NOX4: variants seen among roughly 807,000 people sequenced by gnomAD.
The protein encoded by NOX4 is kidney oxidase-1.
NOX4 carries 69 observed loss-of-function variants against 87.6 expected under a neutral mutation model. That is an observed-to-expected ratio of 0.79 (90% CI 0.65 to 0.96). The LOEUF (loss-of-function observed/expected upper bound fraction) is 0.96. NOX4 is among the 40% of genes least tolerant of loss of function. The pLI, the probability that NOX4 is intolerant of heterozygous loss-of-function variation, is 0.00. For missense variants in NOX4, 680 were observed against 681.5 expected (o/e 1.00, Z 0.02); for synonymous variants, 275 against 238.2 (o/e 1.15, Z -1.42).
At chr11:89,586,734 CTT>C in the NOX4 span, among the ~76,000 whole-genome samples, 1 of 152,094 alleles carries the variant, frequency 6.6e-6, no homozygotes, top group African/African-American at 2.4e-5. Context: ...TTAAGAGACT[CTT>C]TGCAGATAAA....
chr11:89,542,007 C>T, the NOX4 span, among the ~76,000 whole-genome samples: 3 of 151,762 alleles, frequency 2.0e-5, no homozygotes, highest in Non-Finnish European at 4.4e-5. Context: ...TACAGAGTCT[C>T]ACCATGTTTT....
At chr11:89,435,387 C>G (rs911619318) in intron 6 of NOX4, among the ~76,000 whole-genome samples, 1 of 151,986 alleles carries the variant, frequency 6.6e-6, no homozygotes, top group Admixed American at 6.6e-5. Context: ...CAAATTACTT[C>G]ATCGAAAGAA....
At chr11:89,332,223 G>C (rs528484156) in intron 17 of NOX4, among the ~76,000 whole-genome samples, 28 of 151,792 alleles carry the variant, frequency 1.8e-4, no homozygotes, top group Admixed American at 9.2e-4. Context: ...ACTTGACTCA[G>C]GGTCACAGGA....
Position 89,326,865 on chromosome 11 carries a change from C to A in NOX4, c.1628G>T (p.Gly543Val). 1 of 1,612,738 alleles carries A rather than the reference C, an allele frequency of 6.2e-7. No homozygotes were observed. The highest frequency in any genetic ancestry group is 8.5e-7 in the Non-Finnish European group (1 of 1,179,384). ...IAKYNRGKTVGVFCCGPNSLS... is the reference protein window; with the variant it reads ...IAKYNRGKTVVVFCCGPNSLS... ...TGAATTGGGTCCACAACAGAAAACA[C>A]CAACTGTTTTTCTAGAACAAGAGCA... Residue 543 changes from glycine to valine, a missense_variant, in exon 18 of 18, where the codon GGT (glycine) becomes GTT (valine). Physicochemically the swap from Gly to Val is moderately radical, Grantham distance 109. Transcript: ENST00000263317.
chr11:89,539,340 G>A, the NOX4 span, among the ~76,000 whole-genome samples: 3 of 151,962 alleles, frequency 2.0e-5, no homozygotes, highest in Non-Finnish European at 4.4e-5. Context: ...GCTGAGGCAG[G>A]AAAATCGCCT....
chr11:89,474,936 G>T (rs1946100986), intron 2 of NOX4, among the ~76,000 whole-genome samples: 4 of 151,254 alleles, frequency 2.6e-5, no homozygotes, highest in Admixed American at 1.3e-4. Flanking sequence ...AACAGAGGGG[G>T]TATTCTACAC....
chr11:89,561,050 C>CATACATATATATATAT, the NOX4 span, among the ~76,000 whole-genome samples: 1 of 28,550 alleles, frequency 3.5e-5, no homozygotes, highest in African/African-American at 1.5e-4. Context: ...ATATATCATA[C>CATACATATATATATAT]ATATATATAT....
At chr11:89,457,681 G>C (rs924196565) in intron 2 of NOX4, among the ~76,000 whole-genome samples, 1 of 152,008 alleles carries the variant, frequency 6.6e-6, no homozygotes, top group Non-Finnish European at 1.5e-5. Context: ...ACTTCCAAAG[G>C]CATCAAAGAA....
the NOX4 span, among the ~76,000 whole-genome samples, chr11:89,581,434 G>A: frequency 3.3e-5 from 5 of 152,266 alleles, no homozygotes; most frequent in Admixed American, 6.5e-5. Context: ...GGTACACAGT[G>A]TAAGAACTAT....
chr11:89,458,378 A>C lies in NOX4; in HGVS notation c.154-6483T>G, dbSNP rs145441251. On this transcript the variant is annotated intron_variant, in intron 2 of 17. Transcript: ENST00000263317. ...AAGCCTGGAAGATAACCTGGTAAAA[A>C]TACCATTCAGGACATAGACCTTGGC... is the stretch of plus-strand genomic sequence containing the variant. 7.7e-3 allele frequency among the ~76,000 whole-genome samples: 1,171 copies of C among 152,310 alleles called. 14 individuals are homozygous for C. The highest frequency in any genetic ancestry group is 0.025 in the African/African-American group (1,055 of 41,558).
chr11:89,507,798 G>A, the NOX4 span, among the ~76,000 whole-genome samples: 1,340 of 151,924 alleles, frequency 8.8e-3, 19 homozygotes, highest in African/African-American at 0.031. Flanking sequence ...GTTCAGGATA[G>A]GTAAGCTTCT....
intron 7 of NOX4, among the ~76,000 whole-genome samples, chr11:89,422,954 C>G (rs1480624856): frequency 6.6e-6 from 1 of 152,026 alleles, no homozygotes. Flanking sequence ...CACTCGCCAC[C>G]ATGACCAGCT....
At chr11:89,409,743 A>ATTTTT (rs879710197) in intron 8 of NOX4, among the ~76,000 whole-genome samples, 8,216 of 152,092 alleles carry the variant, frequency 0.054, 686 homozygotes, top group African/African-American at 0.19. Context: ...AAAGTTAAAA[A>ATTTTT]AACTTTATAT....
chr11:89,544,327 C>T, the NOX4 span, among the ~76,000 whole-genome samples: 1 of 152,014 alleles, frequency 6.6e-6, no homozygotes, highest in South Asian at 2.1e-4. Context: ...GCCTGCATTC[C>T]CTCCTAGACT....
chr11:89,517,373 A>G, the NOX4 span, among the ~76,000 whole-genome samples: 1 of 152,068 alleles, frequency 6.6e-6, no homozygotes, highest in African/African-American at 2.4e-5. Context: ...TATCTGGTTA[A>G]ACATTACTTG....
intron 7 of NOX4, among the ~76,000 whole-genome samples, chr11:89,431,823 C>T (rs1307291041): frequency 6.6e-6 from 1 of 152,116 alleles, no homozygotes; most frequent in East Asian, 1.9e-4. Context: ...ACTAGAAATA[C>T]CATTTGACCC....
the NOX4 span, among the ~76,000 whole-genome samples, chr11:89,582,714 G>A: frequency 1.3e-5 from 2 of 152,182 alleles, no homozygotes; most frequent in Admixed American, 6.5e-5. Flanking sequence ...GTTTAACGTT[G>A]AAACTCAGGC....
In NOX4 at chr11:89,422,295, T is replaced by A. The variant is rs79383695; in HGVS notation, c.549-313A>T. ...AGAAGCAGATAGTAGTCTGCTAATA[T>A]GTACTTTGGCTATTATTTTATCAAT... On this transcript the variant is annotated intron_variant, in intron 7 of 17. Transcript: ENST00000263317. Among the ~76,000 whole-genome samples the A allele has an allele frequency of 2.0e-5, 3 of 152,192 alleles. No homozygotes were observed. The South Asian group carries it at 6.2e-4, about 31-fold the overall frequency.
chr11:89,469,090 A>C (rs1945821461), intron 2 of NOX4, among the ~76,000 whole-genome samples: 1 of 152,130 alleles, frequency 6.6e-6, no homozygotes, highest in African/African-American at 2.4e-5. Flanking sequence ...AGCTATTAAA[A>C]TGTACCAAAT....
Sources: allele counts gnomAD v4.1 joint callset (sites outside exome capture counted in the v4.1 genomes callset), GRCh38; gene constraint gnomAD v4.1.1; transcripts MANE v1.5; gene names NCBI Gene and HGNC (gene_info 2026-07-23, HGNC 2026-07-21).